Variants in SLC14A2 observed in about 807,000 individuals in gnomAD.
SLC14A2 encodes the protein urea transporter 2.
SLC14A2 carries 91 observed loss-of-function variants against 104.6 expected under a neutral mutation model. The observed-to-expected ratio is 0.87, with a 90% confidence interval of 0.73 to 1.04. SLC14A2 has a LOEUF of 1.04. SLC14A2 is among the 50% of genes least tolerant of loss of function. SLC14A2 has a pLI of 0.00. For synonymous variants in SLC14A2, 476 were observed against 466.4 expected, an observed-to-expected ratio of 1.02 and a Z score of -0.27; for missense variants, 1,189 against 1,156.0, an observed-to-expected ratio of 1.03 and a Z score of -0.41.
chr18:45,542,044 T>C (rs1015088059), intron 2 of SLC14A2, among the ~76,000 whole-genome samples: 1 of 120,904 alleles, frequency 8.3e-6, no homozygotes, highest in Non-Finnish European at 1.8e-5. Flanking sequence ...GGTTTTTTTT[T>C]TTTTTTTTTT....
intron 1 of SLC14A2, among the ~76,000 whole-genome samples, chr18:45,398,585 T>TTATA (rs34462258): frequency 2.2e-3 from 328 of 151,478 alleles, no homozygotes; most frequent in Non-Finnish European, 3.5e-3. Flanking sequence ...CAAATTGTGG[T>TTATA]TATATACATA....
In SLC14A2 at chr18:45,659,615, C is replaced by A. The variant is rs58725379; in HGVS notation, c.1352-4170C>A. Among the ~76,000 whole-genome samples, 522 of 152,292 alleles carry A rather than the reference C, an allele frequency of 3.4e-3. 1 individual carries two copies. Among genetic ancestry groups the A allele is most frequent in the African/African-American group, 0.012 (508 of 41,560 alleles). ...TTATATCACCGTCTATAAACTTCCA[C>A]TCTTTTATCCAAGTAACACTAGAAA... On this transcript the variant is annotated intron_variant, in intron 10 of 19. Coordinates refer to ENST00000255226, the MANE Select transcript of SLC14A2 (RefSeq NM_007163.4).
rs561409767 is a variant in SLC14A2, at chr18:45,469,950, T to C, written c.-124-13283T>C. ...GGAGAAGATACTGTCAATTCTTTTA[T>C]AGCTGTTTGTAAAAATACAGCGAGT... On this transcript the variant is annotated intron_variant, in intron 1 of 20. Transcript: ENST00000586448. Among the ~76,000 whole-genome samples, 10 of 152,304 alleles carry C rather than the reference T, an allele frequency of 6.6e-5. No homozygotes were observed. The South Asian group carries it at 1.9e-3, about 28-fold the overall frequency.
In SLC14A2 at chr18:45,420,748, A is replaced by AT. The variant is rs936071062; in HGVS notation, c.-124-62474dup. On this transcript the variant is annotated intron_variant, in intron 1 of 20. Transcript: ENST00000586448. ...TGGAATTATTTTTATTATTATTATT[A>AT]TTTTTTTTTTTGAGACGGAGTCTCA... Among the ~76,000 whole-genome samples the AT allele has an allele frequency of 9.7e-3, 1,458 of 150,204 alleles. 17 individuals carry two copies. The highest frequency in any genetic ancestry group is 0.024 in the African/African-American group (981 of 41,038).
At chr18:45,580,309 TGTG>T (rs2044472136) in intron 2 of SLC14A2, among the ~76,000 whole-genome samples, 4 of 152,018 alleles carry the variant, frequency 2.6e-5, no homozygotes, top group South Asian at 2.1e-4. Flanking sequence ...AAAAAACAAA[TGTG>T]GTCATCGTCA....
At chr18:45,253,691 C>T (rs2084446520) in intron 1 of SLC14A2, among the ~76,000 whole-genome samples, 2 of 152,138 alleles carry the variant, frequency 1.3e-5, no homozygotes, top group Admixed American at 1.3e-4. Flanking sequence ...CAACCCAAGC[C>T]ATTTGAAAAA....
intron 1 of SLC14A2, among the ~76,000 whole-genome samples, chr18:45,411,873 A>G (rs57441893): frequency 6.6e-6 from 1 of 152,256 alleles, no homozygotes; most frequent in African/African-American, 2.4e-5. Context: ...GATGTCATGG[A>G]TGATTGAGTC....
intron 2 of SLC14A2, among the ~76,000 whole-genome samples, chr18:45,571,699 T>A (rs2044348270): frequency 6.6e-6 from 1 of 152,180 alleles, no homozygotes; most frequent in South Asian, 2.1e-4. Context: ...GGGTCCATAT[T>A]TTTTTATTAT....
At chr18:45,286,849 C>T (rs2144156195) in intron 1 of SLC14A2, among the ~76,000 whole-genome samples, 1 of 152,280 alleles carries the variant, frequency 6.6e-6, no homozygotes, top group Middle Eastern at 3.4e-3. Context: ...ATGCATTATT[C>T]TAAGACTTTG....
chr18:45,295,249 T>C (rs1176707618), intron 1 of SLC14A2, among the ~76,000 whole-genome samples: 2 of 152,184 alleles, frequency 1.3e-5, no homozygotes, highest in Non-Finnish European at 2.9e-5. Context: ...TGTTCCCCAT[T>C]GTCCGTTCAC....
intron 1 of SLC14A2, among the ~76,000 whole-genome samples, chr18:45,616,408 T>C (rs2045073213): frequency 6.6e-6 from 1 of 152,240 alleles, no homozygotes; most frequent in African/African-American, 2.4e-5. Context: ...TCCAGAAAAC[T>C]GTGCTTCTCA....
chr18:45,272,877 T>G (rs1413526572), intron 1 of SLC14A2, among the ~76,000 whole-genome samples: 1 of 152,224 alleles, frequency 6.6e-6, no homozygotes, highest in African/African-American at 2.4e-5. Flanking sequence ...CCCACAAATA[T>G]ATGCACCTAC....
At chr18:45,252,393 G>A (rs145331136) in intron 1 of SLC14A2, among the ~76,000 whole-genome samples, 4 of 152,290 alleles carry the variant, frequency 2.6e-5, no homozygotes, top group African/African-American at 9.6e-5. Context: ...TTTAAGAGGG[G>A]TGTCCCTCAG....
chr18:45,216,767 C>T (rs1431668387), intron 1 of SLC14A2, among the ~76,000 whole-genome samples: 1 of 152,180 alleles, frequency 6.6e-6, no homozygotes, highest in African/African-American at 2.4e-5. Flanking sequence ...TTTGTCTAGT[C>T]CGATGTTTCG....
chr18:45,644,428 ATGT>A, intron 10 of SLC14A2: 1 of 356,502 alleles, frequency 2.8e-6, no homozygotes, highest in Non-Finnish European at 5.1e-6. Context: ...TGTGTCTTAA[ATGT>A]TGTTGACTTA....
intron 1 of SLC14A2, among the ~76,000 whole-genome samples, chr18:45,354,648 T>C (rs1463950789): frequency 1.3e-5 from 2 of 152,214 alleles, no homozygotes; most frequent in East Asian, 3.9e-4. Flanking sequence ...AGCTTGTATA[T>C]GTCTTGGCAA....
chr18:45,400,457 A>C (rs1300950764), intron 1 of SLC14A2, among the ~76,000 whole-genome samples: 1 of 152,220 alleles, frequency 6.6e-6, no homozygotes, highest in African/African-American at 2.4e-5. Flanking sequence ...CTAAGGTGAC[A>C]AGAAATATTA....
chr18:45,466,768 G>A (rs1248286420), intron 1 of SLC14A2, among the ~76,000 whole-genome samples: 1 of 151,804 alleles, frequency 6.6e-6, no homozygotes, highest in Non-Finnish European at 1.5e-5. Context: ...AGATGACTGA[G>A]CAGAAAAAGA....
intron 10 of SLC14A2, among the ~76,000 whole-genome samples, chr18:45,662,111 T>C (rs1023174966): frequency 4.6e-5 from 7 of 152,214 alleles, no homozygotes; most frequent in African/African-American, 1.7e-4. Flanking sequence ...AAGACCAGCC[T>C]GGCCAAGATG....
Sources: gnomAD v4.1 joint callset for allele counts (sites outside exome capture counted in the v4.1 genomes callset) on GRCh38, gnomAD v4.1.1 for gene constraint, MANE v1.5 for transcripts, NCBI Gene and HGNC (gene_info 2026-07-23, HGNC 2026-07-21) for gene names.